Variants in RBFOX1 observed in about 807,000 individuals in gnomAD.
RBFOX1 encodes RNA binding protein fox-1 homolog 1.
A neutral mutation model predicts 57.7 loss-of-function variants in RBFOX1; 8 were observed. The observed-to-expected ratio is 0.14, with a 90% CI of 0.08 to 0.25. The LOEUF (loss-of-function observed/expected upper bound fraction) is 0.25. Among genes scored for constraint, RBFOX1 ranks in the 10% least tolerant of loss-of-function variants. RBFOX1 has a pLI of 1.00. For missense variants in RBFOX1, 611 were observed against 548.5 expected (o/e 1.11, Z -1.14); for synonymous variants, 326 against 222.4 (o/e 1.47, Z -4.15).
intron 3 of RBFOX1, among the ~76,000 whole-genome samples, chr16:6,666,718 GGCCT>G (rs2098735370): frequency 6.6e-6 from 1 of 151,990 alleles, no homozygotes; most frequent in Admixed American, 6.6e-5. Flanking sequence ...TCATGCTCAG[GGCCT>G]GACACACAGG....
intron 1 of RBFOX1, among the ~76,000 whole-genome samples, chr16:6,156,228 A>C (rs1287521450): frequency 6.6e-6 from 1 of 152,176 alleles, no homozygotes; most frequent in African/African-American, 2.4e-5. Flanking sequence ...CTAATGCAGG[A>C]ATGTGCAGAC....
intron 3 of RBFOX1, among the ~76,000 whole-genome samples, chr16:6,838,590 T>TCTG (rs1333597834): frequency 1.3e-5 from 2 of 152,190 alleles, no homozygotes; most frequent in African/African-American, 4.8e-5. Context: ...CTGCTGCCCC[T>TCTG]CTGCTGCTGC....
At chr16:6,513,218 G>A (rs2096289857) in intron 2 of RBFOX1, among the ~76,000 whole-genome samples, 1 of 152,162 alleles carries the variant, frequency 6.6e-6, no homozygotes, top group Non-Finnish European at 1.5e-5. Context: ...TGGGGCTTAG[G>A]TAAGAGTAAA....
downstream of RBFOX1, among the ~76,000 whole-genome samples, chr16:5,605,007 C>G (rs2047517812): frequency 6.6e-6 from 1 of 152,188 alleles, no homozygotes; most frequent in South Asian, 2.1e-4. Context: ...CTCCTGTTCC[C>G]TTCTCTACAG....
intron 2 of RBFOX1, among the ~76,000 whole-genome samples, chr16:6,633,232 C>T (rs1166800702): frequency 1.3e-5 from 2 of 152,122 alleles, no homozygotes; most frequent in African/African-American, 2.4e-5. Context: ...GACCAAGAAA[C>T]AGTCCTCTCC....
At chr16:5,672,498 C>T (rs766490448) in intron 3 of RBFOX1, among the ~76,000 whole-genome samples, 1 of 152,120 alleles carries the variant, frequency 6.6e-6, no homozygotes, top group South Asian at 2.1e-4. Flanking sequence ...TAAGGACAAG[C>T]ACACCCCTCC....
Position 6,241,345 on chromosome 16 carries a change from G to A in RBFOX1, c.-126-75650G>A, listed in dbSNP as rs149394788. Reference sequence around the variant, plus strand: ...CATGGGTGGCAGACGTTTAAAATGTGGAAGATGAAACATACTGTTGTGAGC... The same window carrying A: ...CATGGGTGGCAGACGTTTAAAATGTAGAAGATGAAACATACTGTTGTGAGC... On this transcript the variant is annotated intron_variant, in intron 1 of 15. Coordinates refer to ENST00000550418, the MANE Select transcript of RBFOX1 (RefSeq NM_018723.4). 6.6e-3 allele frequency among the ~76,000 whole-genome samples: 1,005 copies of A among 152,268 alleles called. 6 individuals are homozygous for A. The highest frequency in any genetic ancestry group is 0.021 in the African/African-American group (856 of 41,558).
At chr16:7,079,572 CCCTCTG>C (rs2058840099) in intron 4 of RBFOX1, among the ~76,000 whole-genome samples, 1 of 152,168 alleles carries the variant, frequency 6.6e-6, no homozygotes, top group Non-Finnish European at 1.5e-5. Context: ...CTGTTTCTCT[CCCTCTG>C]TATAAAGAAA....
chr16:6,727,507 A>G (rs972807052), intron 3 of RBFOX1, among the ~76,000 whole-genome samples: 1 of 151,988 alleles, frequency 6.6e-6, no homozygotes, highest in East Asian at 1.9e-4. Flanking sequence ...CGCAAATTGT[A>G]CACTGATTTA....
At chr16:6,277,946 GC>G (rs1334645083) in intron 1 of RBFOX1, among the ~76,000 whole-genome samples, 5 of 152,092 alleles carry the variant, frequency 3.3e-5, no homozygotes, top group African/African-American at 9.7e-5. Flanking sequence ...CTTTTACTTG[GC>G]CCGGAGTTTA....
chr16:7,508,653 G>C (rs549124016), intron 4 of RBFOX1, among the ~76,000 whole-genome samples: 6 of 152,276 alleles, frequency 3.9e-5, no homozygotes, highest in Non-Finnish European at 1.5e-5. Context: ...TATGTATCCA[G>C]ATTTTCTTTC....
At chr16:7,573,327 C>T (rs987302934) in intron 5 of RBFOX1, among the ~76,000 whole-genome samples, 1 of 152,100 alleles carries the variant, frequency 6.6e-6, no homozygotes, top group African/African-American at 2.4e-5. Context: ...GAACACTGAA[C>T]CTTATAGACC....
intron 4 of RBFOX1, among the ~76,000 whole-genome samples, chr16:7,313,748 A>G (rs1603618793): frequency 6.6e-6 from 1 of 152,104 alleles, no homozygotes; most frequent in Non-Finnish European, 1.5e-5. Context: ...TAATGGCTTC[A>G]TTTTTAGATG....
intron 3 of RBFOX1, among the ~76,000 whole-genome samples, chr16:6,966,909 ATCC>A (rs2084361534): frequency 6.6e-6 from 1 of 150,556 alleles, no homozygotes; most frequent in African/African-American, 2.5e-5. Flanking sequence ...CCATCCATCC[ATCC>A]ATCCATCCAT....
chr16:6,059,806 A>G (rs968709820), intron 1 of RBFOX1, among the ~76,000 whole-genome samples: 4 of 152,188 alleles, frequency 2.6e-5, no homozygotes, highest in Admixed American at 6.5e-5. Context: ...CCACTCAGAG[A>G]TCAATTTTCA....
At chr16:7,225,436 C>G (rs1190647710) in intron 4 of RBFOX1, among the ~76,000 whole-genome samples, 1 of 152,092 alleles carries the variant, frequency 6.6e-6, no homozygotes, top group Non-Finnish European at 1.5e-5. Context: ...GCCACCACAT[C>G]AGATGCACCT....
chr16:6,093,942 A>G (rs1292378799), intron 1 of RBFOX1, among the ~76,000 whole-genome samples: 2 of 152,080 alleles, frequency 1.3e-5, no homozygotes, highest in Non-Finnish European at 2.9e-5. Flanking sequence ...GAGAAGTCAT[A>G]TTCTTCCTCT....
intron 3 of RBFOX1, among the ~76,000 whole-genome samples, chr16:6,925,078 A>C (rs1355505722): frequency 8.4e-6 from 1 of 119,716 alleles, no homozygotes; most frequent in Admixed American, 9.5e-5. Flanking sequence ...TTCTTAATCC[A>C]GTCTATCGTT....
chr16:7,638,784 AC>A (rs1184876960), intron 11 of RBFOX1, among the ~76,000 whole-genome samples: 1 of 151,984 alleles, frequency 6.6e-6, no homozygotes, highest in African/African-American at 2.4e-5. Flanking sequence ...TTCCAATAAA[AC>A]TTTATTTACA....
Sources: allele counts gnomAD v4.1 joint callset (sites outside exome capture counted in the v4.1 genomes callset), GRCh38; gene constraint gnomAD v4.1.1; transcripts MANE v1.5; gene names NCBI Gene and HGNC (gene_info 2026-07-23, HGNC 2026-07-21).